ITPR1: variants seen among roughly 807,000 people sequenced by gnomAD.
ITPR1 encodes inositol 1,4,5-trisphosphate-gated calcium channel ITPR1.
In ITPR1, 96 loss-of-function variants were observed where a neutral mutation model predicts 318.4. The ratio of observed to expected loss-of-function variants is 0.30; its 90% CI spans 0.26 to 0.36. The LOEUF is 0.36. ITPR1 is among the 10% of genes least tolerant of loss of function. The probability of loss-of-function intolerance (pLI) is 1.00; values close to 1 mark genes in which losing one functional copy is unlikely to be tolerated. For missense variants in ITPR1, 2,440 were observed against 3,460.2 expected (o/e 0.71, Z 7.40); for synonymous variants, 1,312 against 1,289.9 (o/e 1.02, Z -0.37).
chr3:4,800,076 G>T (rs954883078), intron 53 of ITPR1: 20 of 297,706 alleles, frequency 6.7e-5, no homozygotes, highest in Middle Eastern at 9.9e-4. Flanking sequence ...ATAGTGTCCT[G>T]TAGGGATGAC....
rs372672483 is a variant in ITPR1 at position 4,683,747 on chromosome 3, C to T, written c.3447C>T (p.Pro1149=). Residue 1149 remains proline, a synonymous_variant, in exon 28 of 62, where the codon CCC becomes CCT. Coordinates refer to ENST00000649015, the MANE Select transcript of ITPR1 (RefSeq NM_001378452.1). ...SELWVYKGQG[P]DETMDGASGE... ...TTTGGGTGTACAAAGGGCAGGGCCC[C>T]GATGAGACTATGGATGGTGCATCTG... 1.1e-4 allele frequency: 182 copies of T among 1,613,850 alleles called. No individual in the cohort carries two copies. The highest frequency in any genetic ancestry group is 1.4e-4 in the Non-Finnish European group (168 of 1,179,862).
intron 4 of ITPR1, among the ~76,000 whole-genome samples, chr3:4,543,913 A>G (rs1178596054): frequency 6.6e-6 from 1 of 152,214 alleles, no homozygotes. Flanking sequence ...TCCTTAGTGT[A>G]TGGGTGCCCC....
chr3:4,598,865 GA>G (rs1472190799), intron 4 of ITPR1, among the ~76,000 whole-genome samples: 1 of 152,082 alleles, frequency 6.6e-6, no homozygotes, highest in Non-Finnish European at 1.5e-5. Context: ...TTTACTCTGA[GA>G]ACATCGTCAA....
chr3:4,676,931 C>T (rs568258372), intron 24 of ITPR1, 130 bp downstream of exon 24: 7 of 656,642 alleles, frequency 1.1e-5, no homozygotes, highest in Middle Eastern at 4.2e-4. Context: ...GCTCATCCCT[C>T]CGTGTCATTT....
At position 4,575,981 on chromosome 3, in the gene ITPR1, C is replaced by T. The variant is rs944457492; in HGVS notation, c.164-51782C>T. Reference sequence around the variant, plus strand: ...GCTGCAGTGAGCCATGGTCATGCCACCACACTCCAGCCTGGGTGGCAGACT... The same window carrying T: ...GCTGCAGTGAGCCATGGTCATGCCATCACACTCCAGCCTGGGTGGCAGACT... On this transcript the variant is annotated intron_variant, in intron 4 of 61. Transcript: ENST00000649015. 2.0e-5 allele frequency among the ~76,000 whole-genome samples: 3 copies of T among 151,052 alleles called. No homozygotes were observed. In the South Asian group the frequency reaches 6.3e-4, roughly 32 times the overall value.
chr3:4,832,667 C>T (rs528968432), intron 60 of ITPR1, among the ~76,000 whole-genome samples: 82 of 152,256 alleles, frequency 5.4e-4, no homozygotes, highest in African/African-American at 1.8e-3. Flanking sequence ...ATCTGGTCTA[C>T]GTAACTTTTT....
intron 2 of ITPR1, among the ~76,000 whole-genome samples, chr3:4,503,686 C>G (rs2081197836): frequency 6.6e-6 from 1 of 151,966 alleles, no homozygotes; most frequent in Non-Finnish European, 1.5e-5. Flanking sequence ...ACTCCCCTGC[C>G]CCACCACACA....
At chr3:4,727,195 G>T (rs768987429) in intron 42 of ITPR1, 22 bp downstream of exon 42, 1 of 1,563,170 alleles carries the variant, frequency 6.4e-7, no homozygotes, top group South Asian at 1.2e-5. Context: ...TGAGTCTTGG[G>T]TATCGGGAGC....
intron 10 of ITPR1, among the ~76,000 whole-genome samples, chr3:4,650,285 A>G (rs906016114): frequency 5.3e-5 from 8 of 152,158 alleles, no homozygotes; most frequent in African/African-American, 1.9e-4. Flanking sequence ...TGACCTTCTG[A>G]GGAACTGCCA....
chr3:4,620,567 G>T (rs1392754465), intron 4 of ITPR1, among the ~76,000 whole-genome samples: 1 of 151,938 alleles, frequency 6.6e-6, no homozygotes, highest in African/African-American at 2.4e-5. Flanking sequence ...TACTTCATCT[G>T]TCAAGCTCCA....
chr3:4,800,327 A>T, intron 53 of ITPR1, 98 bp from the exon 54 acceptor site: 3 of 1,311,684 alleles, frequency 2.3e-6, no homozygotes. Flanking sequence ...TAAGCCAAAA[A>T]AGTTATTGAG....
intron 38 of ITPR1, chr3:4,711,459 C>T (rs529833473): frequency 1.3e-4 from 35 of 259,938 alleles, no homozygotes; most frequent in Middle Eastern, 1.1e-3. Flanking sequence ...GCTTTATAAA[C>T]GAGCAGGTCT....
chr3:4,725,141 A>G (rs2042416658), intron 40 of ITPR1, among the ~76,000 whole-genome samples: 1 of 151,308 alleles, frequency 6.6e-6, no homozygotes, highest in South Asian at 2.1e-4. Flanking sequence ...TGCTTTCATC[A>G]CTACCCCTGC....
chr3:4,806,068 C>A (rs375776534), intron 54 of ITPR1, 35 bp from the exon 55 acceptor site: 1 of 1,585,058 alleles, frequency 6.3e-7, no homozygotes, highest in African/African-American at 1.3e-5. Flanking sequence ...TTGGCACAGT[C>A]CGTGCCATCT....
chr3:4,643,426 T>C (rs567318353), intron 7 of ITPR1, among the ~76,000 whole-genome samples: 1 of 152,338 alleles, frequency 6.6e-6, no homozygotes. Context: ...CATGGCTTAG[T>C]TGAGAAGATG....
At chr3:4,839,927 G>A (rs974671117) in intron 61 of ITPR1, among the ~76,000 whole-genome samples, 5 of 150,134 alleles carry the variant, frequency 3.3e-5, no homozygotes, top group Non-Finnish European at 5.9e-5. Flanking sequence ...AAGTTAAAAA[G>A]AAGCATGAGA....
chr3:4,621,706 C>T (rs906301757), intron 4 of ITPR1, among the ~76,000 whole-genome samples: 1 of 152,224 alleles, frequency 6.6e-6, no homozygotes, highest in Non-Finnish European at 1.5e-5. Flanking sequence ...GCCTTATCTT[C>T]TGCAGCTCTA....
chr3:4,560,890 T>G (rs549381385), intron 4 of ITPR1, among the ~76,000 whole-genome samples: 7 of 152,322 alleles, frequency 4.6e-5, no homozygotes, highest in Non-Finnish European at 8.8e-5. Context: ...TCTTTTAACC[T>G]TTTGAATTTT....
chr3:4,601,792 AT>A (rs1228755932), intron 4 of ITPR1, among the ~76,000 whole-genome samples: 2 of 152,108 alleles, frequency 1.3e-5, no homozygotes, highest in Non-Finnish European at 2.9e-5. Context: ...AATACTTTCA[AT>A]TTTTTTTATG....
Sources: gnomAD v4.1 joint callset for allele counts (sites outside exome capture counted in the v4.1 genomes callset) on GRCh38, gnomAD v4.1.1 for gene constraint, MANE v1.5 for transcripts, NCBI Gene and HGNC (gene_info 2026-07-23, HGNC 2026-07-21) for gene names.